The following WDR36 variants were observed in gnomAD, a reference collection of about 807,000 sequenced individuals.
The protein encoded by WDR36 is WD repeat domain 36, also known as WD repeat-containing protein 36.
A neutral mutation model predicts 112.7 loss-of-function variants in WDR36; 63 were observed. That is an observed-to-expected ratio of 0.56 (90% CI 0.46 to 0.69). The LOEUF (loss-of-function observed/expected upper bound fraction) is 0.69, where lower values mean the gene tolerates loss of function less well. Among genes scored for constraint, WDR36 ranks in the 30% least tolerant of loss-of-function variants. The pLI is 0.00. For synonymous variants in WDR36, 410 were observed against 362.2 expected, an observed-to-expected ratio of 1.13 and a Z score of -1.50; for missense variants, 1,226 against 1,070.3, an observed-to-expected ratio of 1.15 and a Z score of -2.03.
At chr5:111,113,671 T>A (rs1410341394) in intron 16 of WDR36, among the ~76,000 whole-genome samples, 1 of 152,098 alleles carries the variant, frequency 6.6e-6, no homozygotes, top group Non-Finnish European at 1.5e-5. Flanking sequence ...GAAAAGGAGT[T>A]TATTTCTTAC....
At chr5:111,122,973 G>A (rs1469534004) in intron 19 of WDR36, among the ~76,000 whole-genome samples, 1 of 152,126 alleles carries the variant, frequency 6.6e-6, no homozygotes, top group Non-Finnish European at 1.5e-5. Context: ...AGCCAGGCAT[G>A]TTGTACGTGC....
chr5:111,106,894 AT>A (rs1561704660), intron 11 of WDR36, among the ~76,000 whole-genome samples: 2 of 151,218 alleles, frequency 1.3e-5, no homozygotes. Context: ...TGTGCATGTT[AT>A]CCCCCCCAGG....
At position 111,127,918 on chromosome 5, in the gene WDR36, GTTTTGTTTTTTTT is replaced by G. The variant is rs1753706720; in HGVS notation, c.*1040_*1052del. 1.7e-5 allele frequency: 3 copies of G among 175,548 alleles called. No individual in the cohort carries two copies. Among genetic ancestry groups the G allele is most frequent in the Non-Finnish European group, 2.3e-5 (2 of 88,548 alleles). The allele number at this position is 175,548 out of a possible 1,614,324, so 10.9% of individuals were successfully genotyped here. ...GCCAGGGTTTTTTTTATTTTGTTTT[GTTTTGTTTTTTTT>G]TTTTTTTTTTTGGCTACACTTTTTT... On this transcript the variant is annotated 3_prime_UTR_variant, in exon 23 of 23. Transcript: ENST00000513710.
At position 111,126,795 on chromosome 5, in the gene WDR36, C is replaced by G. The variant is rs1347150872; in HGVS notation, c.2600C>G (p.Ser867Cys). 2.5e-6 allele frequency: 4 copies of G among 1,613,728 alleles called. No homozygotes were observed. Among genetic ancestry groups the G allele is most frequent in the Non-Finnish European group, 3.4e-6 (4 of 1,179,804 alleles). The change falls in exon 23 of 23, where the codon TCC becomes TGC. Residue 867 changes from serine to cysteine, a missense_variant. Transcript: ENST00000513710. ...CTAGAAGAAATAACAAATTTGTCAT[C>G]CCAGGTGGAAGAAAACTGGACCCAT... is the stretch of plus-strand genomic sequence containing the variant. Reference protein sequence around the residue: ...VLLEEITNLSSQVEENWTHLQ... With the variant: ...VLLEEITNLSCQVEENWTHLQ...
intron 21 of WDR36, among the ~76,000 whole-genome samples, chr5:111,125,213 C>A (rs577395738): frequency 3.9e-5 from 6 of 152,004 alleles, no homozygotes; most frequent in Non-Finnish European, 7.4e-5. Flanking sequence ...ATTATTTTAC[C>A]TCATCAGATT....
Position 111,103,996 on chromosome 5 carries a change from T to C in WDR36, c.730+78T>C, listed in dbSNP as rs1753171741. ...CTTTAAAAGTCAATTTTTTTTGTCT[T>C]CTGGTAGCTTAATCTAATAGAAGTG... On this transcript the variant is annotated intron_variant, in intron 7 of 22. Transcript: ENST00000513710. The C allele has an allele frequency of 3.8e-6, 6 of 1,560,010 alleles. 1 individual carries two copies. In the Admixed American group the frequency reaches 5.4e-5, roughly 14 times the overall value.
chr5:111,103,134 T>A (rs1753154040), intron 6 of WDR36, among the ~76,000 whole-genome samples: 1 of 151,710 alleles, frequency 6.6e-6, no homozygotes, highest in South Asian at 2.1e-4. Context: ...TCATGCATAG[T>A]AGACACTTGA....
At chr5:111,123,945 T>G in intron 20 of WDR36, 21 bp downstream of exon 20, 1 of 1,613,170 alleles carries the variant, frequency 6.2e-7, no homozygotes, top group South Asian at 1.1e-5. Context: ...AATTAGAAGA[T>G]TCTAAGTATA....
rs1753712020 is a variant in WDR36, at chr5:111,128,139, A to G, written c.*1256A>G. ...GCAGTTCTTTAAAGCATAGCGCTCT[A>G]AAAACTATTCTTAGTTTATACCCTC... On this transcript the variant is annotated 3_prime_UTR_variant, in exon 23 of 23. Transcript: ENST00000513710. The G allele has an allele frequency of 5.2e-6, 1 of 191,934 alleles. No individual in the cohort carries two copies. Among genetic ancestry groups the G allele is most frequent in the African/African-American group, 2.3e-5 (1 of 43,174 alleles). 11.9% of individuals were successfully genotyped at this position (191,934 alleles called of 1,614,324 possible).
chr5:111,098,712 G>T lies in WDR36; in HGVS notation c.292-10G>T, dbSNP rs371323523. ...ATAATATGAAATTCTTTTAAACTTC[G>T]ATGTTTTAGATAGTACATACCTTTA... On this transcript the variant is annotated splice_polypyrimidine_tract_variant and intron_variant, in intron 3 of 22. Coordinates refer to ENST00000513710, the MANE Select transcript of WDR36 (RefSeq NM_139281.3). The T allele has an allele frequency of 2.0e-6, 3 of 1,516,210 alleles. No individual in the cohort carries two copies. The highest frequency in any genetic ancestry group is 2.3e-5 in the East Asian group (1 of 44,348). The allele number at this position is 1,516,210 out of a possible 1,614,324, so 93.9% of individuals were successfully genotyped here.
intron 15 of WDR36, among the ~76,000 whole-genome samples, chr5:111,112,136 T>C (rs1030982583): frequency 2.6e-5 from 4 of 151,908 alleles, no homozygotes; most frequent in Admixed American, 1.3e-4. Flanking sequence ...GAGGGTGGGA[T>C]TGGGTTAATT....
chr5:111,126,271 T>C (rs1426892005), intron 22 of WDR36, among the ~76,000 whole-genome samples: 1 of 152,170 alleles, frequency 6.6e-6, no homozygotes, highest in East Asian at 1.9e-4. Context: ...AAATGTTCAC[T>C]TCTATCATTA....
intron 4 of WDR36, 68 bp downstream of exon 4, chr5:111,098,907 T>G: frequency 9.0e-7 from 1 of 1,113,878 alleles, no homozygotes; most frequent in South Asian, 1.3e-5. Context: ...TTAAAATCTA[T>G]GTAAACATCT....
At position 111,124,257 on chromosome 5, in the gene WDR36, G is replaced by C. The variant is rs1753630897; in HGVS notation, c.2350+68G>C. The C allele has an allele frequency of 5.3e-6, 7 of 1,324,526 alleles. No individual in the cohort carries two copies. The South Asian group carries it at 7.8e-5, about 15-fold the overall frequency. 82.0% of individuals were successfully genotyped at this position (1,324,526 alleles called of 1,614,324 possible). A position where few individuals can be genotyped will look rare whatever the true frequency, so the allele number is the denominator to read the frequency against. ...ATTTTACTGTATATGAGGAGAAATTGAAGGAAATATCAGCGTTCTCAGTAG... is the reference window on the plus strand; with the variant it reads ...ATTTTACTGTATATGAGGAGAAATTCAAGGAAATATCAGCGTTCTCAGTAG... On this transcript the variant is annotated intron_variant, in intron 21 of 22. Coordinates refer to ENST00000513710, the MANE Select transcript of WDR36 (RefSeq NM_139281.3).
At chr5:111,094,263 T>G (rs1752930716) in intron 1 of WDR36, among the ~76,000 whole-genome samples, 1 of 152,180 alleles carries the variant, frequency 6.6e-6, no homozygotes, top group Non-Finnish European at 1.5e-5. Flanking sequence ...TTACACAAAT[T>G]TACTCATTGA....
chr5:111,121,206 A>G (rs778893627), intron 19 of WDR36, 65 bp downstream of exon 19: 1 of 1,576,106 alleles, frequency 6.3e-7, no homozygotes, highest in Non-Finnish European at 8.7e-7. Context: ...TTTTTTAAGC[A>G]GAGAGAACTT....
chr5:111,104,381 G>T (rs1753182302), intron 8 of WDR36, 29 bp downstream of exon 8: 2 of 1,610,950 alleles, frequency 1.2e-6, no homozygotes, highest in South Asian at 2.2e-5. Context: ...ACATCTTCCT[G>T]GCTCATCTAA....
chr5:111,105,482 G>T (rs542412075), intron 10 of WDR36, 122 bp downstream of exon 10: 1 of 866,928 alleles, frequency 1.2e-6, no homozygotes, highest in South Asian at 1.4e-5. Flanking sequence ...AGATAAACAT[G>T]TATGGAAGAG....
Position 111,119,056 on chromosome 5 carries a change from T to G in WDR36, c.1840T>G (p.Ser614Ala). 2 of 1,613,728 alleles carry G rather than the reference T, an allele frequency of 1.2e-6. No homozygotes were observed. Among genetic ancestry groups the G allele is most frequent in the East Asian group, 2.2e-5 (1 of 44,854 alleles). Residue 614 changes from serine (S) to alanine (A), a missense_variant, in exon 17 of 23, where the codon TCT becomes GCT. Coordinates refer to ENST00000513710, the MANE Select transcript of WDR36 (RefSeq NM_139281.3). Reference sequence around the variant, plus strand: ...GTTGGACTCGGCTCCTCTCAATGTTTCTATGTCTCCTACTGGAGACTTTCT... The same window carrying G: ...GTTGGACTCGGCTCCTCTCAATGTTGCTATGTCTCCTACTGGAGACTTTCT... ...FLLDSAPLNV[S>A]MSPTGDFLAT...
Sources: allele counts gnomAD v4.1 joint callset (sites outside exome capture counted in the v4.1 genomes callset), GRCh38; gene constraint gnomAD v4.1.1; transcripts MANE v1.5; gene names NCBI Gene and HGNC (gene_info 2026-07-23, HGNC 2026-07-21).